The following FGF14 variants were observed in gnomAD, a reference collection of about 807,000 sequenced individuals.
The protein encoded by FGF14 is fibroblast growth factor homologous factor 4.
FGF14 carries 5 observed loss-of-function variants against 25.5 expected under a neutral mutation model. The observed-to-expected ratio is 0.20, with a 90% CI of 0.10 to 0.41. FGF14 has a LOEUF of 0.41. FGF14 is among the 10% of genes least tolerant of loss of function. FGF14 has a pLI of 1.00. For synonymous variants in FGF14, 138 were observed against 118.3 expected (o/e 1.17, Z -1.08); for missense variants, 222 against 320.1 (o/e 0.69, Z 2.34).
rs2058689244 is a variant in FGF14 at position 102,400,927 on chromosome 13, G to A, written c.208+544C>T. On this transcript the variant is annotated intron_variant, in intron 1 of 4. Transcript: ENST00000376131. This position sits in a 1 kb window ranked among gnomAD's most constrained non-coding sequence, Gnocchi z 4.3. ...ATGAGTTAATGCTCGGGCACCCGGA[G>A]CTGGACGGGGGAGGGACGCGGGGGC... Among the ~76,000 whole-genome samples, 1 of 152,146 alleles carries A rather than the reference G, an allele frequency of 6.6e-6. No homozygotes were observed. Among genetic ancestry groups the A allele is most frequent in the African/African-American group, 2.4e-5 (1 of 41,442 alleles).
chr13:101,988,091 T>C (rs1422182546), intron 1 of FGF14, among the ~76,000 whole-genome samples: 3 of 152,064 alleles, frequency 2.0e-5, no homozygotes, highest in East Asian at 3.9e-4. Context: ...TAATTTAGTT[T>C]TAGAAAGGCG....
intron 1 of FGF14, among the ~76,000 whole-genome samples, chr13:102,331,873 T>C (rs543635775): frequency 2.6e-5 from 4 of 152,202 alleles, no homozygotes; most frequent in Admixed American, 6.5e-5. Context: ...TCCTTCCCCA[T>C]GGAAGGGAAA....
At chr13:101,870,515 C>G (rs1327619783) in intron 2 of FGF14, among the ~76,000 whole-genome samples, 1 of 151,950 alleles carries the variant, frequency 6.6e-6, no homozygotes, top group Non-Finnish European at 1.5e-5. Context: ...TTATATAGGC[C>G]AGGTAGTATA....
intron 1 of FGF14, among the ~76,000 whole-genome samples, chr13:102,301,479 T>C (rs1032145809): frequency 1.5e-4 from 23 of 152,238 alleles, no homozygotes; most frequent in Admixed American, 5.9e-4. Flanking sequence ...TCCTCAGCTA[T>C]TGGGGTAGGT....
chr13:102,115,474 A>T (rs1200810785), intron 1 of FGF14, among the ~76,000 whole-genome samples: 1 of 152,226 alleles, frequency 6.6e-6, no homozygotes, highest in Non-Finnish European at 1.5e-5. Flanking sequence ...TCTGATGATT[A>T]GTGATGATGA....
At chr13:102,289,381 T>C (rs1036409939) in intron 1 of FGF14, among the ~76,000 whole-genome samples, 3 of 152,224 alleles carry the variant, frequency 2.0e-5, no homozygotes, top group Non-Finnish European at 4.4e-5. Flanking sequence ...ATTGAAACTC[T>C]TTTGGTAAAG....
intron 1 of FGF14, among the ~76,000 whole-genome samples, chr13:102,123,794 G>A (rs1237248506): frequency 1.3e-5 from 2 of 152,152 alleles, no homozygotes; most frequent in African/African-American, 4.8e-5. Context: ...TAAAGAGCTA[G>A]TGGTTAGGCA....
intron 1 of FGF14, among the ~76,000 whole-genome samples, chr13:102,096,413 ATACTT>A (rs2044402017): frequency 7.0e-6 from 1 of 142,572 alleles, no homozygotes; most frequent in Non-Finnish European, 1.6e-5. Flanking sequence ...GTCTTTATTA[ATACTT>A]TACTCTTTAA....
chr13:102,358,970 C>T (rs1421834062), intron 1 of FGF14, among the ~76,000 whole-genome samples: 2 of 152,074 alleles, frequency 1.3e-5, no homozygotes, highest in African/African-American at 4.8e-5. Context: ...ACATATATAC[C>T]ATGGAATACT....
intron 1 of FGF14, among the ~76,000 whole-genome samples, chr13:102,186,675 T>G (rs2048888639): frequency 6.6e-6 from 1 of 152,154 alleles, no homozygotes; most frequent in Non-Finnish European, 1.5e-5. Flanking sequence ...GTAAAATCAG[T>G]GGTATGATAC....
At chr13:102,361,082 G>C (rs1000980627) in intron 1 of FGF14, among the ~76,000 whole-genome samples, 1 of 152,044 alleles carries the variant, frequency 6.6e-6, no homozygotes, top group African/African-American at 2.4e-5. Flanking sequence ...CTAAGCAAAT[G>C]GTATCTCAGT....
intron 1 of FGF14, among the ~76,000 whole-genome samples, chr13:102,299,439 G>A (rs1344624821): frequency 6.6e-6 from 1 of 152,200 alleles, no homozygotes; most frequent in Non-Finnish European, 1.5e-5. Context: ...AAGGTTAGGA[G>A]AATTTCAGCG....
intron 1 of FGF14, among the ~76,000 whole-genome samples, chr13:102,278,435 T>C (rs1360454733): frequency 6.6e-6 from 1 of 152,122 alleles, no homozygotes; most frequent in Non-Finnish European, 1.5e-5. Flanking sequence ...ATTCCTGAAG[T>C]TGGTCTTTTA....
rs990288213 is a variant in FGF14 at position 102,158,670 on chromosome 13, T to TA, written c.208+242800dup. ...ATGTACCCTAAAACTTAAAGTATAA[T>TA]AAAAAAAAAAATCTTTGAACTGATC... On this transcript the variant is annotated intron_variant, in intron 1 of 4. Transcript: ENST00000376131. Among the ~76,000 whole-genome samples the TA allele has an allele frequency of 3.0e-3, 434 of 146,688 alleles. 2 individuals carry two copies. Among genetic ancestry groups the TA allele is most frequent in the South Asian group, 7.3e-3 (34 of 4,654 alleles).
At chr13:102,185,402 G>T (rs1265452640) in intron 1 of FGF14, among the ~76,000 whole-genome samples, 1 of 152,102 alleles carries the variant, frequency 6.6e-6, no homozygotes, top group Non-Finnish European at 1.5e-5. Context: ...AGAGATGGTG[G>T]CATAAATTCT....
At chr13:101,763,361 T>C (rs1275591436) in intron 3 of FGF14, among the ~76,000 whole-genome samples, 3 of 152,180 alleles carry the variant, frequency 2.0e-5, no homozygotes, top group Non-Finnish European at 4.4e-5. Context: ...CCACTGTCAA[T>C]ATGTAATGTA....
intron 1 of FGF14, among the ~76,000 whole-genome samples, chr13:101,962,602 G>T (rs1473376447): frequency 6.6e-6 from 1 of 152,026 alleles, no homozygotes; most frequent in Non-Finnish European, 1.5e-5. Context: ...AGCCATTTAG[G>T]ATAAAATAAA....
intron 1 of FGF14, among the ~76,000 whole-genome samples, chr13:102,183,481 TGA>T (rs1408095531): frequency 1.3e-5 from 2 of 152,178 alleles, no homozygotes; most frequent in Non-Finnish European, 2.9e-5. Context: ...TACTTTTACA[TGA>T]GAGAAACATG....
At chr13:101,895,348 G>A (rs915048182) in intron 1 of FGF14, among the ~76,000 whole-genome samples, 3 of 152,118 alleles carry the variant, frequency 2.0e-5, no homozygotes, top group African/African-American at 7.2e-5. Context: ...TAAGTATAAA[G>A]TAAGGATGTC....
Sources: gnomAD v4.1 joint callset for allele counts (sites outside exome capture counted in the v4.1 genomes callset) on GRCh38, gnomAD v4.1.1 for gene constraint, Gnocchi (gnomAD v3.1) non-coding constraint, MANE v1.5 for transcripts, NCBI Gene and HGNC (gene_info 2026-07-23, HGNC 2026-07-21) for gene names.